Variants in ASRGL1 observed in about 807,000 individuals in gnomAD.
ASRGL1 encodes asparaginase and isoaspartyl peptidase 1, also known as isoaspartyl peptidase/L-asparaginase.
ASRGL1 carries 16 observed loss-of-function variants against 22.4 expected under a neutral mutation model. The ratio of observed to expected loss-of-function variants is 0.71; its 90% CI spans 0.48 to 1.08. ASRGL1 has a LOEUF of 1.08. ASRGL1 is among the 50% of genes least tolerant of loss of function. ASRGL1 has a pLI of 0.00. For synonymous variants in ASRGL1, 165 were observed against 159.3 expected, an observed-to-expected ratio of 1.04 and a Z score of -0.27; for missense variants, 412 against 410.1, an observed-to-expected ratio of 1.00 and a Z score of -0.04.
Position 62,359,739 on chromosome 11 carries a change from T to A in ASRGL1, c.491+2595T>A, listed in dbSNP as rs192273230. Among the ~76,000 whole-genome samples, 15 of 152,132 alleles carry A rather than the reference T, an allele frequency of 9.9e-5. No individual in the cohort carries two copies. In the East Asian group the frequency reaches 2.7e-3, roughly 27 times the overall value. ...AGAGAAAAACAAAAAGCTCCTGTAG[T>A]TGCTAACTCTCCGTGTTAGCAACTA... On this transcript the variant is annotated intron_variant, in intron 4 of 6. Transcript: ENST00000415229.
intron 4 of ASRGL1, among the ~76,000 whole-genome samples, chr11:62,379,897 TC>T (rs1371825352): frequency 6.6e-6 from 1 of 152,198 alleles, no homozygotes; most frequent in Non-Finnish European, 1.5e-5. Context: ...GTTGCCCATT[TC>T]TATCAAATTT....
At chr11:62,360,978 C>CA (rs1344652619) in intron 4 of ASRGL1, among the ~76,000 whole-genome samples, 1 of 152,042 alleles carries the variant, frequency 6.6e-6, no homozygotes, top group Non-Finnish European at 1.5e-5. Context: ...ACAGTGTGTG[C>CA]AAAAAACAAT....
rs1250351089 is a variant in ASRGL1, at chr11:62,338,052, G to A, written c.75G>A (p.Gln25=). The part of the protein sequence containing the change: ...ISKDRKERVH[Q]GMVRAATVGY... ...AGGATCGGAAGGAGCGAGTGCACCA[G>A]GGCATGGTCAGAGCCGCCACCGTGG... Residue 25 remains glutamine (Q), a synonymous_variant, in exon 2 of 7, where the codon CAG becomes CAA. Transcript: ENST00000415229. 7.5e-6 allele frequency: 12 copies of A among 1,608,376 alleles called. No homozygotes were observed. Among genetic ancestry groups the A allele is most frequent in the Non-Finnish European group, 1.0e-5 (12 of 1,177,894 alleles).
At chr11:62,365,634 G>A (rs1946594547) in intron 4 of ASRGL1, among the ~76,000 whole-genome samples, 1 of 152,052 alleles carries the variant, frequency 6.6e-6, no homozygotes, top group Admixed American at 6.6e-5. Flanking sequence ...CGGATCACGA[G>A]GTCAGGAGTT....
In ASRGL1 at chr11:62,373,056, A is replaced by G. The variant is rs549673914; in HGVS notation, c.491+15912A>G. The stretch of plus-strand genomic sequence containing the variant: ...CCAGGAGGTGAAGACTCTGCATGGC[A>G]TTTTCTCAGAGCCGGTCGCCATGGG... On this transcript the variant is annotated intron_variant, in intron 4 of 6. Transcript: ENST00000415229. 3.6e-5 allele frequency: 51 copies of G among 1,415,884 alleles called. No individual in the cohort carries two copies. In the South Asian group the frequency reaches 4.8e-4, roughly 13 times the overall value. 87.7% of individuals were successfully genotyped at this position (1,415,884 alleles called of 1,614,324 possible). A position where few individuals can be genotyped will look rare whatever the true frequency, so the allele number is the denominator to read the frequency against.
chr11:62,372,966 G>A, intron 4 of ASRGL1: 1 of 1,466,498 alleles, frequency 6.8e-7, no homozygotes, highest in Middle Eastern at 2.1e-4. Context: ...CATCAGCTGG[G>A]GCCCATCACC....
intron 2 of ASRGL1, among the ~76,000 whole-genome samples, chr11:62,354,287 G>A (rs1378438283): frequency 2.6e-5 from 4 of 152,300 alleles, no homozygotes; most frequent in East Asian, 3.9e-4. Flanking sequence ...ACAGAGACAC[G>A]TGGGCTCCTA....
intron 3 of ASRGL1, 65 bp from the exon 4 acceptor site, chr11:62,356,922 G>A (rs1044357485): frequency 5.4e-5 from 81 of 1,513,246 alleles, no homozygotes; most frequent in Non-Finnish European, 6.9e-5. Flanking sequence ...CAACACAGTT[G>A]GAACAGTTAA....
At chr11:62,378,922 T>C (rs1159519958) in intron 4 of ASRGL1, among the ~76,000 whole-genome samples, 1 of 152,148 alleles carries the variant, frequency 6.6e-6, no homozygotes, top group African/African-American at 2.4e-5. Flanking sequence ...TCTTGATTTC[T>C]CTCAGTCTCA....
In ASRGL1 at chr11:62,356,261, C is replaced by CA. The variant is rs1048900762; in HGVS notation, c.191-63dup. On this transcript the variant is annotated intron_variant, in intron 2 of 6. Transcript: ENST00000415229. ...TGGCCGGGCGGGGGGCTGACCCCCC[C>CA]ACCTCCCTCCCGGACGGGGCGTAAA... 2.5e-5 allele frequency: 40 copies of CA among 1,579,920 alleles called. No individual in the cohort carries two copies. The African/African-American group carries it at 4.3e-4, about 17-fold the overall frequency.
intron 4 of ASRGL1, chr11:62,371,118 C>G (rs1202549164): frequency 1.1e-6 from 1 of 876,664 alleles, no homozygotes; most frequent in Non-Finnish European, 1.6e-6. Context: ...TCTCATCACT[C>G]CAACCAGCCG....
intron 4 of ASRGL1, among the ~76,000 whole-genome samples, chr11:62,373,371 C>T (rs1946826358): frequency 6.6e-6 from 1 of 152,144 alleles, no homozygotes; most frequent in South Asian, 2.1e-4. Flanking sequence ...TTTCCAAAGA[C>T]CCTTTTTTCC....
rs1455008272 is a variant in ASRGL1 at position 62,337,891 on chromosome 11, G to T, written c.-87G>T. On this transcript the variant is annotated splice_region_variant and 5_prime_UTR_variant, in exon 2 of 7. Transcript: ENST00000415229. ...AGAGACTGGGCATTGTCCCCACAGGGTCTCCCGAGGACCTTGTACCCGCGC... is the reference window on the plus strand; with the variant it reads ...AGAGACTGGGCATTGTCCCCACAGGTTCTCCCGAGGACCTTGTACCCGCGC... The T allele has an allele frequency of 1.7e-5, 24 of 1,402,760 alleles. No homozygotes were observed. The highest frequency in any genetic ancestry group is 2.2e-5 in the Non-Finnish European group (23 of 1,036,900). 86.9% of individuals were successfully genotyped at this position (1,402,760 alleles called of 1,614,324 possible). A position where few individuals can be genotyped will look rare whatever the true frequency, so the allele number is the denominator to read the frequency against.
downstream of ASRGL1, among the ~76,000 whole-genome samples, chr11:62,394,103 ATAT>A: frequency 7.0e-6 from 1 of 141,900 alleles, no homozygotes; most frequent in South Asian, 2.1e-4. Flanking sequence ...TATATAATAT[ATAT>A]TATAATTTAC....
chr11:62,339,075 GTTGATTCTCTCC>G (rs1331415144), intron 2 of ASRGL1, among the ~76,000 whole-genome samples: 4 of 152,278 alleles, frequency 2.6e-5, no homozygotes, highest in African/African-American at 9.6e-5. Flanking sequence ...TCTTATCAGA[GTTGATTCTCTCC>G]TGAATCAGGA....
At chr11:62,360,961 C>T (rs1430007117) in intron 4 of ASRGL1, among the ~76,000 whole-genome samples, 3 of 152,028 alleles carry the variant, frequency 2.0e-5, no homozygotes, top group Non-Finnish European at 4.4e-5. Flanking sequence ...TTCATGACAC[C>T]GTCAGTACAG....
intron 4 of ASRGL1, among the ~76,000 whole-genome samples, chr11:62,379,689 A>G (rs1947016345): frequency 6.6e-6 from 1 of 152,188 alleles, no homozygotes; most frequent in Admixed American, 6.5e-5. Context: ...CTGCTTGTAT[A>G]GTACATAAAT....
intron 4 of ASRGL1, among the ~76,000 whole-genome samples, chr11:62,377,991 A>G (rs1466217647): frequency 6.6e-6 from 1 of 152,066 alleles, no homozygotes; most frequent in Non-Finnish European, 1.5e-5. Flanking sequence ...CCACTAATTT[A>G]ATTTTTTTTG....
intron 4 of ASRGL1, among the ~76,000 whole-genome samples, chr11:62,366,644 T>G (rs1946617607): frequency 6.6e-6 from 1 of 151,992 alleles, no homozygotes; most frequent in East Asian, 1.9e-4. Context: ...TTTTTCCCTT[T>G]CTTATCAGTC....
Sources: gnomAD v4.1 joint callset for allele counts (sites outside exome capture counted in the v4.1 genomes callset) on GRCh38, gnomAD v4.1.1 for gene constraint, MANE v1.5 for transcripts, NCBI Gene and HGNC (gene_info 2026-07-23, HGNC 2026-07-21) for gene names.